Variants in USO1 observed in about 807,000 individuals in gnomAD.
USO1 encodes the protein general vesicular transport factor p115.
In USO1, 57 loss-of-function variants were observed where a neutral mutation model predicts 124.5. The ratio of observed to expected loss-of-function variants is 0.46; its 90% CI spans 0.37 to 0.57. The LOEUF (loss-of-function observed/expected upper bound fraction) is 0.57, where lower values mean the gene tolerates loss of function less well. USO1 is among the 20% of genes least tolerant of loss of function. The pLI, the probability that USO1 is intolerant of heterozygous loss-of-function variation, is 0.00. For missense variants in USO1, 900 were observed against 1,040.6 expected (o/e 0.86, Z 1.86); for synonymous variants, 369 against 362.8 (o/e 1.02, Z -0.19).
intron 4 of USO1, among the ~76,000 whole-genome samples, chr4:75,765,720 A>C (rs1721752228): frequency 6.6e-6 from 1 of 151,860 alleles, no homozygotes; most frequent in South Asian, 2.1e-4. Context: ...TTTTACCTTC[A>C]AGCGTGTGTA....
chr4:75,724,994 TCCAC>T, intron 1 of USO1, 109 bp downstream of exon 1: 3 of 1,137,568 alleles, frequency 2.6e-6, no homozygotes, highest in Non-Finnish European at 3.8e-6. Context: ...GGAGGGGGCA[TCCAC>T]ATGCCGCCTC....
chr4:75,748,932 T>C (rs1378761144), intron 1 of USO1, among the ~76,000 whole-genome samples: 1 of 150,260 alleles, frequency 6.7e-6, no homozygotes, highest in African/African-American at 2.4e-5. Flanking sequence ...ACTAAGTAGT[T>C]TTTCTAAGTA....
At chr4:75,772,245 AT>A (rs544954119) in intron 7 of USO1, among the ~76,000 whole-genome samples, 68 of 151,330 alleles carry the variant, frequency 4.5e-4, no homozygotes, top group Non-Finnish European at 7.4e-4. Context: ...CAAGAAGGAC[AT>A]TTTTTTTTGA....
At chr4:75,747,900 C>CTTTTTTTTTTTTTT (rs34689475) in intron 1 of USO1, among the ~76,000 whole-genome samples, 1 of 44,288 alleles carries the variant, frequency 2.3e-5, no homozygotes, top group Admixed American at 3.8e-4. Flanking sequence ...CTCACCTGGC[C>CTTTTTTTTTTTTTT]TTTTTTTTTT....
intron 1 of USO1, among the ~76,000 whole-genome samples, chr4:75,725,155 C>A (rs931034166): frequency 6.6e-6 from 1 of 152,218 alleles, no homozygotes; most frequent in Admixed American, 6.5e-5. Flanking sequence ...GAGAGTGGTC[C>A]GCAGGTGGTA....
chr4:75,800,029 C>T lies in USO1; in HGVS notation c.1563+297C>T, dbSNP rs941630713. 5.3e-5 allele frequency among the ~76,000 whole-genome samples: 8 copies of T among 151,828 alleles called. No homozygotes were observed. In the East Asian group the frequency reaches 1.2e-3, roughly 22 times the overall value. On this transcript the variant is annotated intron_variant, in intron 14 of 23. Coordinates refer to ENST00000514213, the MANE Select transcript of USO1 (RefSeq NM_003715.4). ...CGCGATCTCGGCTCACTGCAACTTC[C>T]GCCTCCCAGGTTCAAGCAATTCTCC...
intron 9 of USO1, among the ~76,000 whole-genome samples, chr4:75,784,338 A>C (rs1449787594): frequency 6.6e-6 from 1 of 152,222 alleles, no homozygotes; most frequent in Non-Finnish European, 1.5e-5. Flanking sequence ...TTCTTAAATA[A>C]GGAAATTCCT....
rs570442713 is a variant in USO1, at chr4:75,744,700, G to A, written c.67-7673G>A. On this transcript the variant is annotated intron_variant, in intron 1 of 23. Transcript: ENST00000514213. ...CTCCCAAAGTGCTGGGATTAGAGGC[G>A]TAAGCCACCGCGCCCAGCCCCTATC... 8.5e-5 allele frequency among the ~76,000 whole-genome samples: 13 copies of A among 152,300 alleles called. No individual in the cohort carries two copies. In the East Asian group the frequency reaches 9.6e-4, roughly 11 times the overall value.
At chr4:75,745,242 A>G (rs1296478478) in intron 1 of USO1, 1 of 453,450 alleles carries the variant, frequency 2.2e-6, no homozygotes, top group Non-Finnish European at 4.3e-6. Context: ...GATATTTTTC[A>G]GTTAGTAGCT....
intron 1 of USO1, among the ~76,000 whole-genome samples, chr4:75,743,099 C>T (rs1020807999): frequency 6.6e-6 from 1 of 151,984 alleles, no homozygotes; most frequent in Non-Finnish European, 1.5e-5. Context: ...ATTCTCCTGC[C>T]TCAGCCTCCC....
chr4:75,766,589 A>G (rs985928577), intron 4 of USO1, among the ~76,000 whole-genome samples: 1 of 152,228 alleles, frequency 6.6e-6, no homozygotes, highest in African/African-American at 2.4e-5. Context: ...AGGAGTGCCA[A>G]GGTTGAGAAA....
intron 3 of USO1, chr4:75,755,322 G>A (rs28573275): frequency 0.7 from 288,930 of 413,168 alleles, 104,498 homozygotes; most frequent in East Asian, 0.92. Flanking sequence ...TAAAACAATC[G>A]TCATCTCCAA....
At chr4:75,771,774 G>A (rs1424324785) in intron 7 of USO1, among the ~76,000 whole-genome samples, 6 of 152,112 alleles carry the variant, frequency 3.9e-5, no homozygotes, top group South Asian at 2.1e-4. Flanking sequence ...ATATAAGTTT[G>A]AATATTTTGT....
chr4:75,740,689 A>T (rs1720934243), intron 1 of USO1, among the ~76,000 whole-genome samples: 1 of 152,258 alleles, frequency 6.6e-6, no homozygotes, highest in Non-Finnish European at 1.5e-5. Flanking sequence ...AAACCAGGTG[A>T]ATAGTCAATC....
rs1721885874 is a variant in USO1, at chr4:75,770,353, TATC to T, written c.296-83_296-81del. The T allele has an allele frequency of 4.7e-6, 6 of 1,283,550 alleles. 1 individual carries two copies. In the South Asian group the frequency reaches 1.1e-4, roughly 24 times the overall value. The allele number at this position is 1,283,550 out of a possible 1,614,324, so 79.5% of individuals were successfully genotyped here. On this transcript the variant is annotated intron_variant, in intron 4 of 23. Transcript: ENST00000514213. The stretch of plus-strand genomic sequence containing the variant: ...GTGTTGAATTGTTTACCAGGAAAAT[TATC>T]ATTCACGCTTAACTCTTCAATGAAA...
chr4:75,748,528 T>C (rs754596751), intron 1 of USO1, among the ~76,000 whole-genome samples: 6 of 152,202 alleles, frequency 3.9e-5, no homozygotes, highest in Admixed American at 6.5e-5. Context: ...TCTACCAACA[T>C]TGAACAGCTT....
rs1024672408 is a variant in USO1, at chr4:75,779,774, G to A, written c.677-2906G>A. Among the ~76,000 whole-genome samples the A allele has an allele frequency of 3.3e-5, 5 of 152,340 alleles. 1 individual carries two copies. The South Asian group carries it at 6.2e-4, about 19-fold the overall frequency. ...AACAGCAAGTGCTGATGTAGAAACTGCAGCAAGTGTATCCAGAAGATTTAG... is the reference window on the plus strand; with the variant it reads ...AACAGCAAGTGCTGATGTAGAAACTACAGCAAGTGTATCCAGAAGATTTAG... On this transcript the variant is annotated intron_variant, in intron 8 of 23. Transcript: ENST00000514213.
intron 1 of USO1, among the ~76,000 whole-genome samples, chr4:75,739,132 G>A (rs1720883051): frequency 2.0e-5 from 3 of 152,144 alleles, no homozygotes; most frequent in Admixed American, 1.3e-4. Context: ...GATTACAGGC[G>A]TGAGCCACTG....
At chr4:75,783,996 A>C (rs762787635) in intron 9 of USO1, among the ~76,000 whole-genome samples, 10 of 152,208 alleles carry the variant, frequency 6.6e-5, no homozygotes, top group Non-Finnish European at 1.2e-4. Flanking sequence ...GGTAACCTTG[A>C]TACCTTTGTT....
Sources: gnomAD v4.1 joint callset for allele counts (sites outside exome capture counted in the v4.1 genomes callset) on GRCh38, gnomAD v4.1.1 for gene constraint, MANE v1.5 for transcripts, NCBI Gene and HGNC (gene_info 2026-07-23, HGNC 2026-07-21) for gene names.